The following FSIP2 variants were observed in gnomAD, a reference collection of about 807,000 sequenced individuals.
FSIP2 encodes the protein fibrous sheath interacting protein 2.
FSIP2 carries 367 observed loss-of-function variants against 510.5 expected under a neutral mutation model. The observed-to-expected ratio is 0.72, with a 90% CI of 0.66 to 0.78. The LOEUF is 0.78. Ranked by LOEUF, FSIP2 falls within the 30% of genes least tolerant of loss-of-function variation. FSIP2 has a pLI of 0.00. For synonymous variants in FSIP2, 2,601 were observed against 2,732.2 expected (o/e 0.95, Z 1.50); for missense variants, 7,594 against 7,901.7 (o/e 0.96, Z 1.48).
chr2:185,822,541 T>C (rs1239178831), intron 19 of FSIP2, among the ~76,000 whole-genome samples: 4 of 151,896 alleles, frequency 2.6e-5, no homozygotes, highest in African/African-American at 9.7e-5. Context: ...CTACAAAATA[T>C]TGCTGTAAGA....
At chr2:185,757,756 A>G (rs978115849) in intron 9 of FSIP2, among the ~76,000 whole-genome samples, 1 of 151,124 alleles carries the variant, frequency 6.6e-6, no homozygotes, top group Admixed American at 6.6e-5. Flanking sequence ...TTGTCTTTGT[A>G]TTTTTTCATT....
Position 185,805,871 on chromosome 2 carries a change from A to C in FSIP2, c.16565A>C (p.Glu5522Ala). The C allele has an allele frequency of 1.9e-6, 3 of 1,608,918 alleles. No homozygotes were observed. Among genetic ancestry groups the C allele is most frequent in the Non-Finnish European group, 2.5e-6 (3 of 1,177,772 alleles). The change falls in exon 17 of 23, where the codon GAA becomes GCA. Residue 5522 changes from glutamate to alanine, a missense_variant. Physicochemically the swap from Glu to Ala is moderately radical, Grantham distance 107. Coordinates refer to ENST00000424728, the MANE Select transcript of FSIP2 (RefSeq NM_173651.4). ...TGVTNKKEVD[E>A]NKVGICTQKH... ...GTGACAAATAAAAAGGAAGTGGATG[A>C]AAATAAAGTGGGAATTTGTACTCAA...
chr2:185,751,299 G>A (rs989448243), intron 7 of FSIP2, among the ~76,000 whole-genome samples: 1 of 151,310 alleles, frequency 6.6e-6, no homozygotes, highest in Non-Finnish European at 1.5e-5. Flanking sequence ...GATTTGATTT[G>A]TTTATTGTTA....
At chr2:185,810,000 T>A (rs573540046) in intron 17 of FSIP2, among the ~76,000 whole-genome samples, 2 of 152,228 alleles carry the variant, frequency 1.3e-5, no homozygotes, top group Admixed American at 6.5e-5. Flanking sequence ...ACTGATGGCA[T>A]GCATTTGTGG....
At chr2:185,770,053 G>A (rs1257931290) in intron 13 of FSIP2, among the ~76,000 whole-genome samples, 1 of 152,078 alleles carries the variant, frequency 6.6e-6, no homozygotes, top group Non-Finnish European at 1.5e-5. Flanking sequence ...GGCTATTCAG[G>A]CTCTTTCTTT....
intron 21 of FSIP2, among the ~76,000 whole-genome samples, chr2:185,829,346 T>C (rs756121610): frequency 1.3e-5 from 2 of 151,862 alleles, no homozygotes; most frequent in Admixed American, 6.6e-5. Flanking sequence ...TTCTGAAAAA[T>C]AAATAACAAG....
rs965839716 is a variant in FSIP2 at position 185,739,527 on chromosome 2, C to T, written c.225+56C>T. On this transcript the variant is annotated intron_variant, in intron 2 of 22. Transcript: ENST00000424728. ...TTACCCTTTACTACTTGCTGTTTAA[C>T]TCAAAGGCTGCATCATACAAAATTC... 54 of 1,372,304 alleles carry T rather than the reference C, an allele frequency of 3.9e-5. No homozygotes were observed. The African/African-American group carries it at 7.5e-4, about 19-fold the overall frequency. 85.0% of individuals were successfully genotyped at this position (1,372,304 alleles called of 1,614,324 possible).
intron 9 of FSIP2, among the ~76,000 whole-genome samples, chr2:185,759,564 A>G (rs1389281021): frequency 7.0e-6 from 1 of 142,614 alleles, no homozygotes; most frequent in African/African-American, 2.5e-5. Context: ...TATTAAAATT[A>G]TAATTTACTA....
intron 12 of FSIP2, among the ~76,000 whole-genome samples, chr2:185,763,847 A>G (rs985969722): frequency 6.6e-6 from 1 of 151,634 alleles, no homozygotes; most frequent in Non-Finnish European, 1.5e-5. Flanking sequence ...CATGTCCTAG[A>G]ATGCATAATA....
intron 7 of FSIP2, among the ~76,000 whole-genome samples, chr2:185,751,461 CTGTGTG>C (rs56395901): frequency 0.022 from 3,013 of 135,860 alleles, 48 homozygotes; most frequent in Non-Finnish European, 0.033. Context: ...CTTTATTTTT[CTGTGTG>C]TGTGTGTGTG....
chr2:185,745,631 C>A (rs1692014385), intron 5 of FSIP2, 63 bp downstream of exon 5: 2 of 1,361,608 alleles, frequency 1.5e-6, no homozygotes, highest in Non-Finnish European at 9.8e-7. Context: ...CTGGAAAATA[C>A]TAGAAAGAAT....
In FSIP2 at chr2:185,801,922, A is replaced by C; in HGVS notation, c.12616A>C (p.Thr4206Pro). Residue 4206 changes from threonine (T) to proline (P), a missense_variant, in exon 17 of 23, where the codon ACT becomes CCT. Thr to Pro is a conservative substitution (Grantham distance 38). Coordinates refer to ENST00000424728, the MANE Select transcript of FSIP2 (RefSeq NM_173651.4). ...TATATATGATAATCAATATCTATATACTGGAAAAAACCTCCAAAAGATGGT... is the reference window on the plus strand; with the variant it reads ...TATATATGATAATCAATATCTATATCCTGGAAAAAACCTCCAAAAGATGGT... ...FTIYDNQYLY[T>P]GKNLQKMVDS... 1 of 1,511,950 alleles carries C rather than the reference A, an allele frequency of 6.6e-7. No individual in the cohort carries two copies. The highest frequency in any genetic ancestry group is 8.8e-7 in the Non-Finnish European group (1 of 1,130,792). 93.7% of individuals were successfully genotyped at this position (1,511,950 alleles called of 1,614,324 possible). A position where few individuals can be genotyped will look rare whatever the true frequency, so the allele number is the denominator to read the frequency against.
rs372846150 is a variant in FSIP2 at position 185,808,208 on chromosome 2, A to C, written c.18902A>C (p.Gln6301Pro). 22 of 1,610,812 alleles carry C rather than the reference A, an allele frequency of 1.4e-5. No homozygotes were observed. The South Asian group carries it at 1.7e-4, about 12-fold the overall frequency. Reference sequence around the variant, plus strand: ...ATTTCGAATTCTGAATTTCAACCTCAAGTAGAGGAAGAAGTATCAAATTCA... The same window carrying C: ...ATTTCGAATTCTGAATTTCAACCTCCAGTAGAGGAAGAAGTATCAAATTCA... ...NAISNSEFQPQVEEEVSNSEL... is the reference protein window; with the variant it reads ...NAISNSEFQPPVEEEVSNSEL... Residue 6301 changes from glutamine to proline, a missense_variant, in exon 17 of 23, where the codon CAA becomes CCA. Coordinates refer to ENST00000424728, the MANE Select transcript of FSIP2 (RefSeq NM_173651.4).
intron 2 of FSIP2, among the ~76,000 whole-genome samples, chr2:185,741,281 A>G (rs190792010): frequency 9.5e-6 from 1 of 105,120 alleles, no homozygotes; most frequent in Non-Finnish European, 2.1e-5. Context: ...TATTCATTTA[A>G]TGAAATTAGT....
Position 185,806,287 on chromosome 2 carries a change from C to T in FSIP2, c.16981C>T (p.Pro5661Ser). ...TSSNEGRRDS[P>S]TQTCRDEEHH... ...AAGCAATGAGGGGAGAAGAGACTCT[C>T]CAACACAAACGTGTAGGGATGAGGA... Residue 5661 changes from proline to serine, a missense_variant, in exon 17 of 23, where the codon CCA (proline) becomes TCA (serine). Transcript: ENST00000424728. 3 of 1,609,158 alleles carry T rather than the reference C, an allele frequency of 1.9e-6. No individual in the cohort carries two copies. Among genetic ancestry groups the T allele is most frequent in the Middle Eastern group, 1.7e-4 (1 of 6,028 alleles).
chr2:185,743,867 C>T (rs1257673192), intron 3 of FSIP2, among the ~76,000 whole-genome samples: 2 of 152,134 alleles, frequency 1.3e-5, no homozygotes, highest in African/African-American at 4.8e-5. Flanking sequence ...CAGGTTCTCA[C>T]TTTGTTGCCT....
chr2:185,759,881 T>A (rs1326781221), intron 9 of FSIP2, among the ~76,000 whole-genome samples: 1 of 150,490 alleles, frequency 6.6e-6, no homozygotes, highest in Non-Finnish European at 1.5e-5. Flanking sequence ...TTTAGCACAA[T>A]TCAGAGGTGA....
rs145618045 is a variant in FSIP2, at chr2:185,775,647, G to C, written c.1412-7058G>C. 1.7e-4 allele frequency among the ~76,000 whole-genome samples: 26 copies of C among 151,974 alleles called. No individual in the cohort carries two copies. The East Asian group carries it at 5.0e-3, about 29-fold the overall frequency. On this transcript the variant is annotated intron_variant, in intron 13 of 22. Coordinates refer to ENST00000424728, the MANE Select transcript of FSIP2 (RefSeq NM_173651.4). The stretch of plus-strand genomic sequence containing the variant: ...GTTAACTCTATCTTCCAAAATTGTG[G>C]GTTTTTTGTTTTGTTTGTTTGTTTT...
rs1559028669 is a variant in FSIP2 at position 185,794,471 on chromosome 2, A to C, written c.7335A>C (p.Thr2445=). The C allele has an allele frequency of 2.6e-6, 4 of 1,513,068 alleles. No homozygotes were observed. The highest frequency in any genetic ancestry group is 8.8e-7 in the Non-Finnish European group (1 of 1,138,008). The allele number at this position is 1,513,068 out of a possible 1,614,324, so 93.7% of individuals were successfully genotyped here. The change falls in exon 16 of 23, where the codon ACA becomes ACC. Residue 2445 remains threonine (T), a synonymous_variant. Coordinates refer to ENST00000424728, the MANE Select transcript of FSIP2 (RefSeq NM_173651.4). ...GAAGTACCAAACAATCTCTATTTAC[A>C]AAGTATCCATTAGAGCAAAACCAAA... ...KERSTKQSLF[T]KYPLEQNQMI... is the part of the protein sequence containing the mutation.
Sources: gnomAD v4.1 joint callset for allele counts (sites outside exome capture counted in the v4.1 genomes callset) on GRCh38, gnomAD v4.1.1 for gene constraint, MANE v1.5 for transcripts, NCBI Gene and HGNC (gene_info 2026-07-23, HGNC 2026-07-21) for gene names.